EPHB3: variants seen among roughly 807,000 people sequenced by gnomAD.
EPHB3 encodes the protein ephrin type-B receptor 3.
A neutral mutation model predicts 100.2 loss-of-function variants in EPHB3; 33 were observed. The ratio of observed to expected loss-of-function variants is 0.33; its 90% confidence interval spans 0.25 to 0.44. The LOEUF (loss-of-function observed/expected upper bound fraction) is 0.44. Among genes scored for constraint, EPHB3 ranks in the 20% least tolerant of loss-of-function variants. The pLI is 1.00. For synonymous variants in EPHB3, 526 were observed against 554.7 expected (o/e 0.95, Z 0.73); for missense variants, 1,045 against 1,378.3 (o/e 0.76, Z 3.83).
At position 184,581,021 on chromosome 3, in the gene EPHB3, G is replaced by C. The variant is rs1714806607; in HGVS notation, c.2588G>C (p.Cys863Ser). 1.9e-6 allele frequency: 3 copies of C among 1,614,122 alleles called. No individual in the cohort carries two copies. The highest frequency in any genetic ancestry group is 2.5e-6 in the Non-Finnish European group (3 of 1,180,006). Residue 863 changes from cysteine to serine, a missense_variant, in exon 14 of 16, where the codon TGT becomes TCT. Around this residue, in one of 2 missense-constraint regions of EPHB3, gnomAD observed 985 missense variants for 1,331.1 expected, o/e 0.74. Coordinates refer to ENST00000330394, the MANE Select transcript of EPHB3 (RefSeq NM_004443.4). ...QDYRLPPPMD[C>S]PTALHQLMLD... is the part of the protein sequence containing the mutation. ...TACCGGCTGCCACCACCCATGGACTGTCCCACAGCACTGCACCAGCTCATG... is the reference window on the plus strand; with the variant it reads ...TACCGGCTGCCACCACCCATGGACTCTCCCACAGCACTGCACCAGCTCATG...
rs1287104163 is a variant in EPHB3, at chr3:184,572,078, C to T, written c.184-426C>T. Among the ~76,000 whole-genome samples the T allele has an allele frequency of 6.6e-6, 1 of 152,248 alleles. No individual in the cohort carries two copies. Among genetic ancestry groups the T allele is most frequent in the African/African-American group, 2.4e-5 (1 of 41,454 alleles). On this transcript the variant is annotated intron_variant, in intron 2 of 15. Transcript: ENST00000330394. The surrounding 1 kb of genome is among the most constrained non-coding windows in gnomAD (Gnocchi z 6.6). ...CAGTAGCCCGGAAGTGCTTGCACTGCTACAAGCCCATTACATTTATTAGCC... is the reference window on the plus strand; with the variant it reads ...CAGTAGCCCGGAAGTGCTTGCACTGTTACAAGCCCATTACATTTATTAGCC...
In EPHB3 at chr3:184,579,859, C is replaced by T. The variant is rs745595265; in HGVS notation, c.2097C>T (p.Gly699=). 1.4e-5 allele frequency: 23 copies of T among 1,613,710 alleles called. No individual in the cohort carries two copies. The highest frequency in any genetic ancestry group is 2.2e-5 in the East Asian group (1 of 44,854). ...ACCCCAATATAATCCGGCTCGAGGG[C>T]GTGGTCACCAAAAGTCGGCCAGTTA... ...FDHPNIIRLE[G]VVTKSRPVMI... The change falls in exon 11 of 16, where the codon GGC becomes GGT. Residue 699 remains glycine (G), a synonymous_variant. Transcript: ENST00000330394. This position sits in a 1 kb window ranked among gnomAD's most constrained non-coding sequence, Gnocchi z 5.2.
Position 184,577,569 on chromosome 3 carries a change from G to A in EPHB3, c.1480-89G>A. 1 of 1,579,228 alleles carries A rather than the reference G, an allele frequency of 6.3e-7. No individual in the cohort carries two copies. The highest frequency in any genetic ancestry group is 8.6e-7 in the Non-Finnish European group (1 of 1,160,634). On this transcript the variant is annotated intron_variant, in intron 6 of 15. Coordinates refer to ENST00000330394, the MANE Select transcript of EPHB3 (RefSeq NM_004443.4). This position sits in a 1 kb window ranked among gnomAD's most constrained non-coding sequence, Gnocchi z 4.9. ...CCTTGGGAGCAAGGCCTTGGGTATG[G>A]AGGGGGCATGTGGCAGGCCTGGGTG... is the stretch of plus-strand genomic sequence containing the variant.
In EPHB3 at chr3:184,578,360, A is replaced by T. The variant is rs1714735041; in HGVS notation, c.1749-54A>T. ...CTGTGAGCCCAAGGGTGCCCTGAAC[A>T]AAGGGAGGCAGATGACTTGTCTCAG... On this transcript the variant is annotated intron_variant, in intron 8 of 15. Coordinates refer to ENST00000330394, the MANE Select transcript of EPHB3 (RefSeq NM_004443.4). The surrounding 1 kb of genome is among the most constrained non-coding windows in gnomAD (Gnocchi z 4.7). 1 of 1,612,596 alleles carries T rather than the reference A, an allele frequency of 6.2e-7. No homozygotes were observed. Among genetic ancestry groups the T allele is most frequent in the Non-Finnish European group, 8.5e-7 (1 of 1,179,318 alleles).
Position 184,578,330 on chromosome 3 carries a change from C to A in EPHB3, c.1749-84C>A. 1 of 1,593,250 alleles carries A rather than the reference C, an allele frequency of 6.3e-7. No homozygotes were observed. Among genetic ancestry groups the A allele is most frequent in the Non-Finnish European group, 8.6e-7 (1 of 1,164,290 alleles). On this transcript the variant is annotated intron_variant, in intron 8 of 15. Transcript: ENST00000330394. This position sits in a 1 kb window ranked among gnomAD's most constrained non-coding sequence, Gnocchi z 4.7. Reference sequence around the variant, plus strand: ...AGGCCATCCCCTGTATCCTCTCCGCCCCTTCTGTGAGCCCAAGGGTGCCCT... The same window carrying A: ...AGGCCATCCCCTGTATCCTCTCCGCACCTTCTGTGAGCCCAAGGGTGCCCT...
chr3:184,566,004 T>G (rs1469799233), intron 1 of EPHB3, among the ~76,000 whole-genome samples: 1 of 151,944 alleles, frequency 6.6e-6, no homozygotes, highest in Admixed American at 6.6e-5. Flanking sequence ...TGAGTCAAAC[T>G]GGTTTGTCGG....
Position 184,573,296 on chromosome 3 carries a change from T to A in EPHB3, c.856+120T>A. 1 of 1,273,588 alleles carries A rather than the reference T, an allele frequency of 7.9e-7. No homozygotes were observed. The highest frequency in any genetic ancestry group is 1.1e-6 in the Non-Finnish European group (1 of 923,574). The allele number at this position is 1,273,588 out of a possible 1,614,324, so 78.9% of individuals were successfully genotyped here. ...AGGAGGTCTGGGAGCAGGTCCACAG[T>A]GGAGGCAGGAGAGGGAAGAGTGGGG... On this transcript the variant is annotated intron_variant, in intron 3 of 15. Coordinates refer to ENST00000330394, the MANE Select transcript of EPHB3 (RefSeq NM_004443.4). This position sits in a 1 kb window ranked among gnomAD's most constrained non-coding sequence, Gnocchi z 4.5.
At position 184,579,847 on chromosome 3, in the gene EPHB3, C is replaced by G; in HGVS notation, c.2085C>G (p.Ile695Met). 6.2e-7 allele frequency: 1 copy of G among 1,613,740 alleles called. No homozygotes were observed. The highest frequency in any genetic ancestry group is 8.5e-7 in the Non-Finnish European group (1 of 1,179,960). Residue 695 changes from isoleucine to methionine, a missense_variant, in exon 11 of 16, where the codon ATC becomes ATG. By Grantham distance (10) the Ile-to-Met change is conservative. This residue lies in a region of EPHB3 where 985 missense variants were observed against 1,331.1 expected (regional missense o/e 0.74). Coordinates refer to ENST00000330394, the MANE Select transcript of EPHB3 (RefSeq NM_004443.4). The surrounding 1 kb of genome is among the most constrained non-coding windows in gnomAD (Gnocchi z 5.2). ...GTCAGTTTGATCACCCCAATATAATCCGGCTCGAGGGCGTGGTCACCAAAA... is the reference window on the plus strand; with the variant it reads ...GTCAGTTTGATCACCCCAATATAATGCGGCTCGAGGGCGTGGTCACCAAAA... ...IMGQFDHPNI[I>M]RLEGVVTKSR...
rs933164179 is a variant in EPHB3 at position 184,569,368 on chromosome 3, C to A, written c.119-1950C>A. ...CGGTCTCCCTGTCTTTGTAGTCAGC[C>A]GCCGGCCATCCCGGCTGTCGGATCC... is the stretch of plus-strand genomic sequence containing the variant. On this transcript the variant is annotated intron_variant, in intron 1 of 15. Coordinates refer to ENST00000330394, the MANE Select transcript of EPHB3 (RefSeq NM_004443.4). The surrounding 1 kb of genome is among the most constrained non-coding windows in gnomAD (Gnocchi z 5.4). Among the ~76,000 whole-genome samples the A allele has an allele frequency of 6.6e-6, 1 of 152,062 alleles. No individual in the cohort carries two copies. The highest frequency in any genetic ancestry group is 2.4e-5 in the African/African-American group (1 of 41,416).
rs199632514 is a variant in EPHB3, at chr3:184,581,132, C to T, written c.2699C>T (p.Ala900Val). The change falls in exon 14 of 16, where the codon GCC becomes GTC. Residue 900 changes from alanine to valine, a missense_variant. Transcript: ENST00000330394. ...CTGGACAAGCTCATCCGCAATGCTG[C>T]CAGCCTCAAGGTCATTGCCAGCGCT... ...NTLDKLIRNA[A>V]SLKVIASAQS... 1.2e-6 allele frequency: 2 copies of T among 1,614,208 alleles called. No individual in the cohort carries two copies. Among genetic ancestry groups the T allele is most frequent in the Admixed American group, 1.7e-5 (1 of 60,034 alleles).
chr3:184,578,069 C>T lies in EPHB3; in HGVS notation c.1748+63C>T. 6.4e-7 allele frequency: 1 copy of T among 1,554,652 alleles called. No homozygotes were observed. The highest frequency in any genetic ancestry group is 8.8e-7 in the Non-Finnish European group (1 of 1,137,596). ...GAACTGCCCTTTAGCATCCTAGAGC[C>T]CTCATGCCACAGAGATGAGCCGCCA... On this transcript the variant is annotated intron_variant, in intron 8 of 15. Transcript: ENST00000330394. This position sits in a 1 kb window ranked among gnomAD's most constrained non-coding sequence, Gnocchi z 4.7.
rs763225792 is a variant in EPHB3, at chr3:184,572,653, C to T, written c.333C>T (p.Phe111=). 8.9e-6 allele frequency: 14 copies of T among 1,574,534 alleles called. No individual in the cohort carries two copies. In the South Asian group the frequency reaches 1.6e-4, roughly 17 times the overall value. ...DVQRVYVELK[F]TVRDCNSIPN... ...AGCGGGTCTACGTGGAGCTCAAGTT[C>T]ACTGTGCGTGACTGCAACAGCATCC... The change falls in exon 3 of 16, where the codon TTC becomes TTT. Residue 111 remains phenylalanine (F), a synonymous_variant. Transcript: ENST00000330394. The surrounding 1 kb of genome is among the most constrained non-coding windows in gnomAD (Gnocchi z 6.6).
rs749599199 is a variant in EPHB3 at position 184,579,442 on chromosome 3, C to G, written c.1802-35C>G. The G allele has an allele frequency of 3.7e-6, 6 of 1,605,664 alleles. No homozygotes were observed. In the Admixed American group the frequency reaches 1.0e-4, roughly 27 times the overall value. On this transcript the variant is annotated intron_variant, in intron 9 of 15. Coordinates refer to ENST00000330394, the MANE Select transcript of EPHB3 (RefSeq NM_004443.4). This position sits in a 1 kb window ranked among gnomAD's most constrained non-coding sequence, Gnocchi z 5.2. ...CCATCGCAGGGAGAGGCTGGCTTGA[C>G]GTTACCCTCTCACGCCCACCTCTTC... is the stretch of plus-strand genomic sequence containing the variant.
At position 184,581,714 on chromosome 3, in the gene EPHB3, T is replaced by G; in HGVS notation, c.*92T>G. 1 of 1,267,176 alleles carries G rather than the reference T, an allele frequency of 7.9e-7. No individual in the cohort carries two copies. 78.5% of individuals were successfully genotyped at this position (1,267,176 alleles called of 1,614,324 possible). ...TCTTGGACTTTTGGATGCCTGGCCT[T>G]AGGCTGTGGCCCAGAAGCTGGAAGT... On this transcript the variant is annotated 3_prime_UTR_variant, in exon 16 of 16. Coordinates refer to ENST00000330394, the MANE Select transcript of EPHB3 (RefSeq NM_004443.4).
rs1325663662 is a variant in EPHB3, at chr3:184,578,110, C to A, written c.1748+104C>A. Reference sequence around the variant, plus strand: ...TGAGCCGCCACCACTTCCCTCAGACCCAGGGCCTTAGCCCTCCTGGGGCCA... The same window carrying A: ...TGAGCCGCCACCACTTCCCTCAGACACAGGGCCTTAGCCCTCCTGGGGCCA... On this transcript the variant is annotated intron_variant, in intron 8 of 15. Coordinates refer to ENST00000330394, the MANE Select transcript of EPHB3 (RefSeq NM_004443.4). This position sits in a 1 kb window ranked among gnomAD's most constrained non-coding sequence, Gnocchi z 4.7. The A allele has an allele frequency of 1.1e-5, 14 of 1,315,776 alleles. No individual in the cohort carries two copies. The highest frequency in any genetic ancestry group is 1.5e-5 in the Non-Finnish European group (14 of 962,158). 81.5% of individuals were successfully genotyped at this position (1,315,776 alleles called of 1,614,324 possible). A position where few individuals can be genotyped will look rare whatever the true frequency, so the allele number is the denominator to read the frequency against.
Position 184,580,494 on chromosome 3 carries a change from G to A in EPHB3, c.2265G>A (p.Val755=). 6.2e-7 allele frequency: 1 copy of A among 1,614,208 alleles called. No homozygotes were observed. The highest frequency in any genetic ancestry group is 1.7e-5 in the Admixed American group (1 of 60,034). ...AGTACCTGTCCGAGATGAACTATGTGCACCGCGACCTGGCTGCTCGCAACA... is the reference window on the plus strand; with the variant it reads ...AGTACCTGTCCGAGATGAACTATGTACACCGCGACCTGGCTGCTCGCAACA... ...GMKYLSEMNY[V]HRDLAARNIL... The change falls in exon 12 of 16, where the codon GTG becomes GTA. Residue 755 remains valine, a synonymous_variant. Transcript: ENST00000330394.
chr3:184,564,602 A>G (rs1714338642), intron 1 of EPHB3, among the ~76,000 whole-genome samples: 1 of 152,178 alleles, frequency 6.6e-6, no homozygotes, highest in East Asian at 1.9e-4. Context: ...GAGTGAAACG[A>G]GTGTGTGCCC....
At position 184,575,835 on chromosome 3, in the gene EPHB3, C is replaced by T. The variant is rs775374120; in HGVS notation, c.862C>T (p.Pro288Ser). 6.2e-7 allele frequency: 1 copy of T among 1,602,490 alleles called. No homozygotes were observed. Among genetic ancestry groups the T allele is most frequent in the South Asian group, 1.1e-5 (1 of 88,836 alleles). Residue 288 changes from proline to serine, a missense_variant, in exon 4 of 16, where the codon CCC becomes TCC. This residue lies in a region of EPHB3 where 985 missense variants were observed against 1,331.1 expected (regional missense o/e 0.74). Transcript: ENST00000330394. ...CATCCTCTTCTCTCCCACAGCCTGT[C>T]CCCCTGGGAGCTACAAGGCGAAGCA... ...AAKESQCRPC[P>S]PGSYKAKQGE...
rs1417767171 is a variant in EPHB3 at position 184,562,421 on chromosome 3, G to A, written c.118+68G>A. 2 of 1,160,278 alleles carry A rather than the reference G, an allele frequency of 1.7e-6. No individual in the cohort carries two copies. The highest frequency in any genetic ancestry group is 2.1e-6 in the Non-Finnish European group (2 of 941,472). 71.9% of individuals were successfully genotyped at this position (1,160,278 alleles called of 1,614,324 possible). A position where few individuals can be genotyped will look rare whatever the true frequency, so the allele number is the denominator to read the frequency against. Reference sequence around the variant, plus strand: ...GGTCGCGGGGCTGCGGGCTAGCAGCGTGGGTCCGACCCGGATTGAGCGCAC... The same window carrying A: ...GGTCGCGGGGCTGCGGGCTAGCAGCATGGGTCCGACCCGGATTGAGCGCAC... On this transcript the variant is annotated intron_variant, in intron 1 of 15. Transcript: ENST00000330394. The surrounding 1 kb of genome is among the most constrained non-coding windows in gnomAD (Gnocchi z 4.8).
Sources: allele counts gnomAD v4.1 joint callset (sites outside exome capture counted in the v4.1 genomes callset), GRCh38; gene constraint gnomAD v4.1.1; regional missense constraint gnomAD v4.1.1; non-coding constraint Gnocchi (gnomAD v3.1); transcripts MANE v1.5; gene names NCBI Gene and HGNC (gene_info 2026-07-23, HGNC 2026-07-21).